The following ECPAS variants were observed in gnomAD, a reference collection of about 807,000 sequenced individuals.
ECPAS encodes the protein Ecm29 proteasome adaptor and scaffold.
Under a neutral mutation model 255.1 loss-of-function variants are expected in ECPAS, and 70 were observed. The observed-to-expected ratio is 0.27, with a 90% confidence interval of 0.23 to 0.33. The LOEUF (loss-of-function observed/expected upper bound fraction) is 0.33, where lower values mean the gene tolerates loss of function less well. Among genes scored for constraint, ECPAS ranks in the 10% least tolerant of loss-of-function variants. The pLI, the probability that ECPAS is intolerant of heterozygous loss-of-function variation, is 1.00. For missense variants in ECPAS, 1,817 were observed against 2,206.4 expected, an observed-to-expected ratio of 0.82 and a Z score of 3.54; for synonymous variants, 784 against 775.0, an observed-to-expected ratio of 1.01 and a Z score of -0.19.
At chr9:111,480,146 G>A (rs1034027623) in intron 1 of ECPAS, among the ~76,000 whole-genome samples, 9 of 151,838 alleles carry the variant, frequency 5.9e-5, no homozygotes, top group African/African-American at 2.2e-4. Flanking sequence ...TGTGTTTGAA[G>A]ATTTTTTACA....
chr9:111,417,257 T>A (rs528636055), intron 17 of ECPAS, among the ~76,000 whole-genome samples: 21 of 151,528 alleles, frequency 1.4e-4, no homozygotes, highest in Non-Finnish European at 2.5e-4. Context: ...AATAAAAAAA[T>A]TTTAAAAAAA....
rs79384552 is a variant in ECPAS at position 111,470,121 on chromosome 9, T to G, written c.22+2776A>C. Among the ~76,000 whole-genome samples, 1,950 of 152,206 alleles carry G rather than the reference T, an allele frequency of 0.013. 67 individuals are homozygous for G. In the East Asian group the frequency reaches 0.13, roughly 10 times the overall value. On this transcript the variant is annotated intron_variant, in intron 2 of 49. Transcript: ENST00000684092. Reference sequence around the variant, plus strand: ...GTCCTGAGCAGGAGGTCCCTGCTGATGGAGTCCTTTGCTAGTAACTCTGCC... The same window carrying G: ...GTCCTGAGCAGGAGGTCCCTGCTGAGGGAGTCCTTTGCTAGTAACTCTGCC...
At chr9:111,465,573 G>T (rs1160237226) in intron 2 of ECPAS, among the ~76,000 whole-genome samples, 1 of 150,378 alleles carries the variant, frequency 6.6e-6, no homozygotes, top group African/African-American at 2.5e-5. Context: ...TTCCTTCATG[G>T]TTGAAATAAT....
At chr9:111,472,336 A>G (rs550371230) in intron 2 of ECPAS, among the ~76,000 whole-genome samples, 1 of 152,202 alleles carries the variant, frequency 6.6e-6, no homozygotes, top group East Asian at 1.9e-4. Flanking sequence ...TGTGGCACAC[A>G]AAGTTGTTTG....
intron 24 of ECPAS, among the ~76,000 whole-genome samples, chr9:111,398,184 C>T (rs939517387): frequency 4.6e-5 from 7 of 152,188 alleles, no homozygotes; most frequent in Non-Finnish European, 7.3e-5. Flanking sequence ...TGAGGCATCA[C>T]GTACTAATGC....
chr9:111,392,064 C>T (rs1047392276), intron 28 of ECPAS, among the ~76,000 whole-genome samples: 4 of 152,084 alleles, frequency 2.6e-5, no homozygotes, highest in East Asian at 3.9e-4. Context: ...CATGGTGAAA[C>T]GCCATCTCTA....
chr9:111,400,456 CT>C (rs1292650314), intron 24 of ECPAS, among the ~76,000 whole-genome samples: 18 of 152,154 alleles, frequency 1.2e-4, no homozygotes, highest in African/African-American at 4.3e-4. Context: ...GTGACCAATC[CT>C]GGAGTGGTGT....
intron 2 of ECPAS, among the ~76,000 whole-genome samples, chr9:111,467,991 A>C (rs1370008634): frequency 2.0e-5 from 3 of 152,154 alleles, no homozygotes; most frequent in Non-Finnish European, 4.4e-5. Flanking sequence ...CATCTCTATT[A>C]AAAATATAAA....
At chr9:111,366,974 C>T (rs1302187421) in intron 46 of ECPAS, among the ~76,000 whole-genome samples, 1 of 152,076 alleles carries the variant, frequency 6.6e-6, no homozygotes, top group African/African-American at 2.4e-5. Context: ...AGCACTTTAA[C>T]CACACTCCCT....
At chr9:111,392,287 T>C (rs919687913) in intron 28 of ECPAS, among the ~76,000 whole-genome samples, 1 of 152,246 alleles carries the variant, frequency 6.6e-6, no homozygotes, top group South Asian at 2.1e-4. Context: ...TTTTATAAAA[T>C]GAATTCAGAA....
chr9:111,404,813 CAAAA>C (rs35277070), intron 24 of ECPAS, among the ~76,000 whole-genome samples: 5 of 52,886 alleles, frequency 9.5e-5, no homozygotes, highest in South Asian at 7.6e-4. Flanking sequence ...TAATAGCTAC[CAAAA>C]AAAAAAAAAA....
chr9:111,399,123 T>C (rs2098171781), intron 24 of ECPAS, among the ~76,000 whole-genome samples: 1 of 152,152 alleles, frequency 6.6e-6, no homozygotes, highest in African/African-American at 2.4e-5. Flanking sequence ...AAGCATTGCA[T>C]GTCTGTATCA....
In ECPAS at chr9:111,410,996, A is replaced by T. The variant is rs899802644; in HGVS notation, c.2361T>A (p.Ser787Arg). 1.2e-6 allele frequency: 2 copies of T among 1,613,708 alleles called. No individual in the cohort carries two copies. The highest frequency in any genetic ancestry group is 3.3e-5 in the Admixed American group (2 of 60,008). The change falls in exon 22 of 50, where the codon AGT (serine) becomes AGA (arginine). Residue 787 changes from serine to arginine, a missense_variant. Transcript: ENST00000684092. ...ATTAATTACCTATTGTTTCTGTAGC[A>T]CTCTGAATGAGTTCCTCTTGATCAG... Reference protein sequence around the residue: ...TLPDQEELIQSATETIGSFLD... With the variant: ...TLPDQEELIQRATETIGSFLD...
chr9:111,422,150 A>G lies in ECPAS; in HGVS notation c.1316T>C (p.Phe439Ser). ...TTTCCCTACCTTGCAAAGGGCTTCA[A>G]AAAGCTGCTGCACAAGCGCTATATC... ...TKDIALVQQLFEALCKEEPET... is the reference protein window; with the variant it reads ...TKDIALVQQLSEALCKEEPET... Residue 439 changes from phenylalanine (F) to serine (S), a missense_variant, in exon 14 of 50, where the codon TTT becomes TCT. Physicochemically the swap from Phe to Ser is radical, Grantham distance 155. Coordinates refer to ENST00000684092, the MANE Select transcript of ECPAS (RefSeq NM_001364929.1). The G allele has an allele frequency of 6.2e-7, 1 of 1,613,892 alleles. No homozygotes were observed. The highest frequency in any genetic ancestry group is 8.5e-7 in the Non-Finnish European group (1 of 1,179,802).
At chr9:111,378,062 C>T (rs944935109) in intron 36 of ECPAS, among the ~76,000 whole-genome samples, 1 of 152,110 alleles carries the variant, frequency 6.6e-6, no homozygotes, top group African/African-American at 2.4e-5. Flanking sequence ...AGGAGAATCG[C>T]TTGAACCTGG....
intron 1 of ECPAS, among the ~76,000 whole-genome samples, chr9:111,475,973 T>C (rs1481170239): frequency 6.6e-6 from 1 of 152,204 alleles, no homozygotes; most frequent in Non-Finnish European, 1.5e-5. Context: ...CACAGAATCA[T>C]GTTCAACACA....
rs578139280 is a variant in ECPAS, at chr9:111,406,832, G to C, written c.2652+1739C>G. Among the ~76,000 whole-genome samples, 22 of 149,182 alleles carry C rather than the reference G, an allele frequency of 1.5e-4. 1 individual carries two copies. In the Middle Eastern group the frequency reaches 0.01, roughly 69 times the overall value. ...GTGGGAGGATGGTTTGAGCCTGGGAGATGTAATGTACTCCAGCCTTGGTGA... is the reference window on the plus strand; with the variant it reads ...GTGGGAGGATGGTTTGAGCCTGGGACATGTAATGTACTCCAGCCTTGGTGA... On this transcript the variant is annotated intron_variant, in intron 24 of 49. Coordinates refer to ENST00000684092, the MANE Select transcript of ECPAS (RefSeq NM_001364929.1).
chr9:111,477,584 C>T (rs1248993623), intron 1 of ECPAS, among the ~76,000 whole-genome samples: 1 of 152,094 alleles, frequency 6.6e-6, no homozygotes, highest in African/African-American at 2.4e-5. Flanking sequence ...CCATGCAGGA[C>T]AGGAATAACA....
intron 24 of ECPAS, among the ~76,000 whole-genome samples, chr9:111,404,594 T>C (rs185466558): frequency 7.4e-5 from 11 of 149,310 alleles, no homozygotes; most frequent in Non-Finnish European, 1.0e-4. Context: ...GCTCCTGCCA[T>C]GTAAGACATG....
Sources: gnomAD v4.1 joint callset for allele counts (sites outside exome capture counted in the v4.1 genomes callset) on GRCh38, gnomAD v4.1.1 for gene constraint, MANE v1.5 for transcripts, NCBI Gene and HGNC (gene_info 2026-07-23, HGNC 2026-07-21) for gene names.